The following SLC8A1 variants were observed in gnomAD, a reference collection of about 807,000 sequenced individuals.
SLC8A1 encodes solute carrier family 8 member A1, also known as sodium/calcium exchanger 1.
In SLC8A1, 18 loss-of-function variants were observed where a neutral mutation model predicts 68.3. The observed-to-expected ratio is 0.26, with a 90% CI of 0.18 to 0.39. The LOEUF (loss-of-function observed/expected upper bound fraction) is 0.39, where lower values mean the gene tolerates loss of function less well. Ranked by LOEUF, SLC8A1 falls within the 10% of genes least tolerant of loss-of-function variation. The pLI, the probability that SLC8A1 is intolerant of heterozygous loss-of-function variation, is 1.00. For missense variants in SLC8A1, 985 were observed against 1,156.7 expected, an observed-to-expected ratio of 0.85 and a Z score of 2.15; for synonymous variants, 475 against 415.5, an observed-to-expected ratio of 1.14 and a Z score of -1.74.
At chr2:40,310,475 G>A (rs1267249681) in intron 2 of SLC8A1, among the ~76,000 whole-genome samples, 2 of 152,180 alleles carry the variant, frequency 1.3e-5, no homozygotes, top group Non-Finnish European at 2.9e-5. Flanking sequence ...AAAGAACAGT[G>A]GGTGAGAAGA....
chr2:40,388,760 T>C (rs950874562), intron 2 of SLC8A1, among the ~76,000 whole-genome samples: 12 of 152,100 alleles, frequency 7.9e-5, no homozygotes, highest in African/African-American at 2.9e-4. Flanking sequence ...TCTAAAACAT[T>C]CTGTTAATTT....
chr2:40,184,471 A>G (rs748721565), intron 2 of SLC8A1, among the ~76,000 whole-genome samples: 1 of 152,148 alleles, frequency 6.6e-6, no homozygotes, highest in African/African-American at 2.4e-5. Context: ...TCTGCAGGCA[A>G]CCTTAATAGT....
At chr2:40,117,675 A>T (rs1480764310) in intron 7 of SLC8A1, among the ~76,000 whole-genome samples, 2 of 152,174 alleles carry the variant, frequency 1.3e-5, no homozygotes, top group East Asian at 3.9e-4. Context: ...AGTAACAGCA[A>T]GCATTAAATG....
chr2:40,177,643 T>G (rs1295293514), intron 3 of SLC8A1: 4 of 690,360 alleles, frequency 5.8e-6, no homozygotes, highest in African/African-American at 5.3e-5. Context: ...GGCAATGAAG[T>G]ATAGTACTTG....
chr2:40,323,448 T>G (rs1445626812), intron 2 of SLC8A1, among the ~76,000 whole-genome samples: 2 of 152,182 alleles, frequency 1.3e-5, no homozygotes, highest in Non-Finnish European at 2.9e-5. Context: ...TAAAAATAAC[T>G]GAGTGATTAA....
chr2:40,427,065 G>T (rs34528721), intron 2 of SLC8A1, among the ~76,000 whole-genome samples: 22,192 of 151,692 alleles, frequency 0.15, 2,747 homozygotes, highest in East Asian at 0.66. Flanking sequence ...AACAACATTA[G>T]AATTAACATA....
At chr2:40,264,109 T>C (rs1191891546) in intron 2 of SLC8A1, among the ~76,000 whole-genome samples, 6 of 152,116 alleles carry the variant, frequency 3.9e-5, no homozygotes, top group Non-Finnish European at 8.8e-5. Context: ...ATGCTCATCA[T>C]CACTGGCCAT....
intron 1 of SLC8A1, among the ~76,000 whole-genome samples, chr2:40,462,284 G>A (rs1703396566): frequency 6.6e-6 from 1 of 151,586 alleles, no homozygotes; most frequent in African/African-American, 2.4e-5. Context: ...TAGTATTACA[G>A]GCGTGAGTCA....
intron 7 of SLC8A1, among the ~76,000 whole-genome samples, chr2:40,131,845 A>G (rs2148210598): frequency 8.2e-6 from 1 of 121,602 alleles, no homozygotes; most frequent in South Asian, 2.8e-4. Flanking sequence ...GATGAGGATT[A>G]TCTTGGTATT....
intron 1 of SLC8A1, among the ~76,000 whole-genome samples, chr2:40,441,608 C>T (rs529365559): frequency 2.0e-5 from 3 of 151,944 alleles, no homozygotes; most frequent in Non-Finnish European, 4.4e-5. Context: ...TCATAAATAA[C>T]ACTACACATC....
At chr2:40,388,547 C>T (rs922440107) in intron 2 of SLC8A1, among the ~76,000 whole-genome samples, 1 of 152,156 alleles carries the variant, frequency 6.6e-6, no homozygotes, top group South Asian at 2.1e-4. Flanking sequence ...AAGAAAATCA[C>T]TCTATGCATC....
intron 2 of SLC8A1, among the ~76,000 whole-genome samples, chr2:40,290,613 G>A (rs910915277): frequency 1.4e-4 from 21 of 152,096 alleles, no homozygotes; most frequent in Non-Finnish European, 4.4e-5. Flanking sequence ...AAGAAAAATG[G>A]ATATTTTAAA....
intron 1 of SLC8A1, among the ~76,000 whole-genome samples, chr2:40,495,585 G>A (rs1007931327): frequency 6.6e-6 from 1 of 151,972 alleles, no homozygotes; most frequent in African/African-American, 2.4e-5. Context: ...AAATCAACAC[G>A]AACAATGAGA....
intron 2 of SLC8A1, among the ~76,000 whole-genome samples, chr2:40,256,125 A>C (rs550011405): frequency 1.3e-5 from 2 of 152,186 alleles, no homozygotes; most frequent in Non-Finnish European, 2.9e-5. Flanking sequence ...TCTTGCAAGA[A>C]ATTTCTAAAA....
chr2:40,164,017 G>C (rs930542235), intron 5 of SLC8A1, among the ~76,000 whole-genome samples: 3 of 152,154 alleles, frequency 2.0e-5, no homozygotes, highest in Non-Finnish European at 1.5e-5. Context: ...AAAGTAAGCA[G>C]GTAAAATACT....
At chr2:40,284,476 T>C (rs2067989171) in intron 2 of SLC8A1, among the ~76,000 whole-genome samples, 1 of 146,592 alleles carries the variant, frequency 6.8e-6, no homozygotes, top group Non-Finnish European at 1.5e-5. Flanking sequence ...TATCTATAGA[T>C]ATGTATGTAT....
intron 6 of SLC8A1, among the ~76,000 whole-genome samples, chr2:40,150,391 C>T (rs961459279): frequency 1.3e-5 from 2 of 152,170 alleles, no homozygotes; most frequent in African/African-American, 4.8e-5. Context: ...TATGGTTTCT[C>T]TTCCTTCCAC....
chr2:40,299,287 G>A (rs546615153), intron 2 of SLC8A1, among the ~76,000 whole-genome samples: 48 of 152,224 alleles, frequency 3.2e-4, no homozygotes, highest in African/African-American at 9.4e-4. Flanking sequence ...TATCCATAAA[G>A]GGAGTTGATT....
chr2:40,324,495 C>T (rs186542770), intron 2 of SLC8A1, among the ~76,000 whole-genome samples: 1 of 152,254 alleles, frequency 6.6e-6, no homozygotes, highest in Non-Finnish European at 1.5e-5. Context: ...TATTCTTCCC[C>T]TTGTTATCAC....
Sources: allele counts gnomAD v4.1 joint callset (sites outside exome capture counted in the v4.1 genomes callset), GRCh38; gene constraint gnomAD v4.1.1; transcripts MANE v1.5; gene names NCBI Gene and HGNC (gene_info 2026-07-23, HGNC 2026-07-21).